Variants in C21orf91 observed in about 807,000 individuals in gnomAD.
C21orf91 encodes protein EURL homolog.
Under a neutral mutation model 32.9 loss-of-function variants are expected in C21orf91, and 26 were observed. That is an observed-to-expected ratio of 0.79 (90% CI 0.58 to 1.10). The LOEUF (loss-of-function observed/expected upper bound fraction) is 1.10. C21orf91 is among the 50% of genes least tolerant of loss of function. The pLI, the probability that C21orf91 is intolerant of heterozygous loss-of-function variation, is 0.00. For synonymous variants in C21orf91, 126 were observed against 120.4 expected (o/e 1.05, Z -0.31); for missense variants, 310 against 341.3 (o/e 0.91, Z 0.72).
intron 2 of C21orf91, among the ~76,000 whole-genome samples, chr21:17,801,750 G>A (rs1205389126): frequency 4.0e-5 from 6 of 151,634 alleles, no homozygotes; most frequent in South Asian, 2.1e-4. Context: ...TGTAGGTGAC[G>A]GGTTGATAGG....
At chr21:17,803,654 G>A (rs2062577120) in intron 2 of C21orf91, among the ~76,000 whole-genome samples, 1 of 152,162 alleles carries the variant, frequency 6.6e-6, no homozygotes, top group Non-Finnish European at 1.5e-5. Flanking sequence ...ACTTGAATAT[G>A]TATGTGTTGT....
intron 2 of C21orf91, among the ~76,000 whole-genome samples, chr21:17,814,983 T>C (rs545022851): frequency 3.7e-4 from 57 of 152,342 alleles, no homozygotes; most frequent in African/African-American, 1.3e-3. Flanking sequence ...GTACATAAAA[T>C]GTAGGCTCCT....
At position 17,793,539 on chromosome 21, in the gene C21orf91, G is replaced by T. The variant is rs370784680; in HGVS notation, c.770C>A (p.Ser257Tyr). The change falls in exon 5 of 5, where the codon TCT (serine) becomes TAT (tyrosine). Residue 257 changes from serine (S) to tyrosine (Y), a missense_variant. By Grantham distance (144) the Ser-to-Tyr change is moderately radical. Transcript: ENST00000284881. Reference protein sequence around the residue: ...ELTHQVQEKDSLASQLHVRHV... With the variant: ...ELTHQVQEKDYLASQLHVRHV... Reference sequence around the variant, plus strand: ...GCGGACATGGAGCTGTGAGGCCAAAGAATCTTTTTCTTGCACTTGGTGAGT... The same window carrying T: ...GCGGACATGGAGCTGTGAGGCCAAATAATCTTTTTCTTGCACTTGGTGAGT... 1.9e-6 allele frequency: 3 copies of T among 1,613,630 alleles called. No homozygotes were observed. Among genetic ancestry groups the T allele is most frequent in the Admixed American group, 1.7e-5 (1 of 59,942 alleles).
intron 2 of C21orf91, among the ~76,000 whole-genome samples, chr21:17,811,806 TATG>T (rs1222244836): frequency 6.6e-6 from 1 of 152,190 alleles, no homozygotes; most frequent in East Asian, 1.9e-4. Context: ...AATTTATAAT[TATG>T]ATATTCTTAT....
chr21:17,789,695 G>A lies in C21orf91; in HGVS notation c.*3720C>T, dbSNP rs886704293. ...TAGGTTAGACTGCACCATAATCAAG[G>A]CAATTATGAAAGGATGAAGTGAAAT... is the stretch of plus-strand genomic sequence containing the variant. On this transcript the variant is annotated 3_prime_UTR_variant, in exon 5 of 5. Coordinates refer to ENST00000284881, the MANE Select transcript of C21orf91 (RefSeq NM_001100420.2). The A allele has an allele frequency of 6.6e-6, 1 of 152,020 alleles. No individual in the cohort carries two copies. Among genetic ancestry groups the A allele is most frequent in the Non-Finnish European group, 1.5e-5 (1 of 67,958 alleles). 9.4% of individuals were successfully genotyped at this position (152,020 alleles called of 1,614,324 possible).
intron 2 of C21orf91, among the ~76,000 whole-genome samples, chr21:17,801,841 TA>T (rs988828121): frequency 1.8e-3 from 249 of 142,182 alleles, no homozygotes; most frequent in Non-Finnish European, 2.5e-3. Flanking sequence ...CTTAAAGTAT[TA>T]AAAAAAAAAA....
chr21:17,795,241 G>T lies in C21orf91; in HGVS notation c.694C>A (p.Gln232Lys), dbSNP rs776890311. The change falls in exon 4 of 5, where the codon CAA (glutamine) becomes AAA (lysine). Residue 232 changes from glutamine to lysine, a missense_variant. Physicochemically the swap from Gln to Lys is moderately conservative, Grantham distance 53. Coordinates refer to ENST00000284881, the MANE Select transcript of C21orf91 (RefSeq NM_001100420.2). Reference sequence around the variant, plus strand: ...TGCTGTAGGAGCTTTGCATTCAGTTGCTCTACCTCACCAAGAGTCATCGAA... The same window carrying T: ...TGCTGTAGGAGCTTTGCATTCAGTTTCTCTACCTCACCAAGAGTCATCGAA... The part of the protein sequence containing the change: ...LNSMTLGEVE[Q>K]LNAKLLQQIQ... 1.2e-6 allele frequency: 2 copies of T among 1,610,972 alleles called. No individual in the cohort carries two copies. The highest frequency in any genetic ancestry group is 1.7e-6 in the Non-Finnish European group (2 of 1,177,438).
chr21:17,815,474 G>C (rs2062659243), intron 2 of C21orf91, among the ~76,000 whole-genome samples: 1 of 152,116 alleles, frequency 6.6e-6, no homozygotes, highest in Non-Finnish European at 1.5e-5. Context: ...TGGGAACTTG[G>C]TAGAGGAAAG....
At chr21:17,799,736 A>T (rs1184389019) in intron 2 of C21orf91, among the ~76,000 whole-genome samples, 1 of 152,120 alleles carries the variant, frequency 6.6e-6, no homozygotes, top group Non-Finnish European at 1.5e-5. Context: ...TCTCCTGACA[A>T]AATGTAGGTT....
At chr21:17,800,142 G>A (rs2062549037) in intron 2 of C21orf91, among the ~76,000 whole-genome samples, 1 of 149,956 alleles carries the variant, frequency 6.7e-6, no homozygotes, top group Non-Finnish European at 1.5e-5. Flanking sequence ...TTTACATACA[G>A]AAAATATACA....
At chr21:17,815,889 A>AC (rs2062662358) in intron 2 of C21orf91, among the ~76,000 whole-genome samples, 1 of 152,136 alleles carries the variant, frequency 6.6e-6, no homozygotes, top group Admixed American at 6.6e-5. Flanking sequence ...CGAACTCCCA[A>AC]CCTCAGGTGA....
At chr21:17,816,024 G>A (rs543075022) in intron 2 of C21orf91, among the ~76,000 whole-genome samples, 9 of 152,140 alleles carry the variant, frequency 5.9e-5, no homozygotes, top group African/African-American at 9.7e-5. Flanking sequence ...ATGAAAATGC[G>A]TATTTGTGAG....
At chr21:17,814,142 C>G (rs907370966) in intron 2 of C21orf91, among the ~76,000 whole-genome samples, 2 of 152,150 alleles carry the variant, frequency 1.3e-5, no homozygotes, top group African/African-American at 4.8e-5. Context: ...TATTGAAACC[C>G]TGGATCTCTT....
rs1347164215 is a variant in C21orf91 at position 17,792,184 on chromosome 21, A to G, written c.*1231T>C. 6.6e-6 allele frequency: 1 copy of G among 152,286 alleles called. No individual in the cohort carries two copies. Among genetic ancestry groups the G allele is most frequent in the East Asian group, 1.9e-4 (1 of 5,188 alleles). The allele number at this position is 152,286 out of a possible 1,614,324, so 9.4% of individuals were successfully genotyped here. ...TTGGTTATAGCCTTTACTGTAATAC[A>G]TTATTAAAATTTATCTAGCTGTTTG... On this transcript the variant is annotated 3_prime_UTR_variant, in exon 5 of 5. Transcript: ENST00000284881.
chr21:17,809,290 G>C (rs955328757), intron 2 of C21orf91, among the ~76,000 whole-genome samples: 9 of 152,176 alleles, frequency 5.9e-5, no homozygotes, highest in Non-Finnish European at 1.2e-4. Flanking sequence ...TGTTCTCAAA[G>C]TAAACAGTAA....
In C21orf91 at chr21:17,797,105, A is replaced by C; in HGVS notation, c.141T>G (p.Ser47=). 6.3e-7 allele frequency: 1 copy of C among 1,583,312 alleles called. No individual in the cohort carries two copies. Among genetic ancestry groups the C allele is most frequent in the Non-Finnish European group, 8.6e-7 (1 of 1,167,476 alleles). ...FELNIEGVPK[S]DLLHTKSLRG... is the part of the protein sequence containing the mutation. ...TTAATGATTTGGTGTGCAAGAGATC[A>C]GACTTTGGTACCCCTATGGAAAAAA... Residue 47 remains serine (S), a synonymous_variant, in exon 3 of 5, where the codon TCT becomes TCG. Transcript: ENST00000284881.
chr21:17,816,686 C>T (rs1191773831), intron 2 of C21orf91, among the ~76,000 whole-genome samples: 1 of 152,226 alleles, frequency 6.6e-6, no homozygotes, highest in Non-Finnish European at 1.5e-5. Context: ...CCAAAGCTAT[C>T]TTGAGTTAAA....
chr21:17,807,613 T>C (rs1359565300), intron 2 of C21orf91, among the ~76,000 whole-genome samples: 1 of 152,206 alleles, frequency 6.6e-6, no homozygotes, highest in Non-Finnish European at 1.5e-5. Flanking sequence ...ACTTGTTAAA[T>C]TGTTGTGCCT....
chr21:17,790,443 A>G lies in C21orf91; in HGVS notation c.*2972T>C, dbSNP rs951963413. Reference sequence around the variant, plus strand: ...GTAAAATGAAAAACCAAATCTCAAGATGCCTGTCAAGATATATTTGACTAT... The same window carrying G: ...GTAAAATGAAAAACCAAATCTCAAGGTGCCTGTCAAGATATATTTGACTAT... On this transcript the variant is annotated 3_prime_UTR_variant, in exon 5 of 5. Coordinates refer to ENST00000284881, the MANE Select transcript of C21orf91 (RefSeq NM_001100420.2). The G allele has an allele frequency of 2.6e-5, 4 of 152,126 alleles. No individual in the cohort carries two copies. The highest frequency in any genetic ancestry group is 9.6e-5 in the African/African-American group (4 of 41,460). 9.4% of individuals were successfully genotyped at this position (152,126 alleles called of 1,614,324 possible). A position where few individuals can be genotyped will look rare whatever the true frequency, so the allele number is the denominator to read the frequency against.
Sources: allele counts gnomAD v4.1 joint callset (sites outside exome capture counted in the v4.1 genomes callset), GRCh38; gene constraint gnomAD v4.1.1; transcripts MANE v1.5; gene names NCBI Gene and HGNC (gene_info 2026-07-23, HGNC 2026-07-21).